CTXND1: variants seen among roughly 807,000 people sequenced by gnomAD.
CTXND1 encodes cortexin domain containing 1, also known as cortexin domain-containing 1 protein.
chr15:80,247,629 C>T (rs1243508755), intron 1 of CTXND1, among the ~76,000 whole-genome samples: 1 of 152,010 alleles, frequency 6.6e-6, no homozygotes, highest in East Asian at 1.9e-4. Flanking sequence ...TCCTCAGAAA[C>T]CAGAAAAACT....
chr15:80,207,973 G>A (rs1041967040), intron 1 of CTXND1, among the ~76,000 whole-genome samples: 1 of 152,164 alleles, frequency 6.6e-6, no homozygotes, highest in South Asian at 2.1e-4. Context: ...TCCAGCAACT[G>A]GTTTTTGATT....
rs1435450190 is a variant in CTXND1 at position 80,198,605 on chromosome 15, A to G, written c.*3165T>C. Reference sequence around the variant, plus strand: ...TGCAACAACTGAAGCCTGAGATTCCAGTTGCTTTTTTCTCCTTAATATGAT... The same window carrying G: ...TGCAACAACTGAAGCCTGAGATTCCGGTTGCTTTTTTCTCCTTAATATGAT... On this transcript the variant is annotated 3_prime_UTR_variant, in exon 3 of 3. Coordinates refer to ENST00000560778, the MANE Select transcript of CTXND1 (RefSeq NM_001352888.2). The G allele has an allele frequency of 5.3e-5, 8 of 152,208 alleles. No homozygotes were observed. Among genetic ancestry groups the G allele is most frequent in the Admixed American group, 4.6e-4 (7 of 15,284 alleles). 9.4% of individuals were successfully genotyped at this position (152,208 alleles called of 1,614,324 possible).
intron 1 of CTXND1, among the ~76,000 whole-genome samples, chr15:80,243,589 A>T (rs998301102): frequency 4.6e-5 from 7 of 152,194 alleles, no homozygotes; most frequent in African/African-American, 1.7e-4. Context: ...AAGAGAATCC[A>T]GATTATTTAC....
At chr15:80,238,916 G>C (rs370877627) in intron 1 of CTXND1, among the ~76,000 whole-genome samples, 2 of 152,210 alleles carry the variant, frequency 1.3e-5, no homozygotes, top group East Asian at 3.8e-4. Flanking sequence ...TGCCATCTAG[G>C]TCTGTGTAAG....
chr15:80,205,460 T>C (rs1301159237), intron 1 of CTXND1, among the ~76,000 whole-genome samples: 1 of 152,186 alleles, frequency 6.6e-6, no homozygotes, highest in African/African-American at 2.4e-5. Context: ...TTGGCAAAGG[T>C]TGTGAGGGAT....
At chr15:80,227,157 A>G (rs1001148246) in intron 1 of CTXND1, among the ~76,000 whole-genome samples, 1 of 152,164 alleles carries the variant, frequency 6.6e-6, no homozygotes, top group Non-Finnish European at 1.5e-5. Context: ...TTCAAATGCT[A>G]CAAAGAAAAG....
At chr15:80,205,102 C>G (rs1893134564) in intron 1 of CTXND1, among the ~76,000 whole-genome samples, 1 of 152,162 alleles carries the variant, frequency 6.6e-6, no homozygotes, top group South Asian at 2.1e-4. Context: ...AAATGCAAGC[C>G]TGTTATATAA....
At chr15:80,207,177 C>G (rs58254070) in intron 1 of CTXND1, among the ~76,000 whole-genome samples, 189 of 152,244 alleles carry the variant, frequency 1.2e-3, no homozygotes, top group African/African-American at 3.6e-3. Flanking sequence ...ATTCTGGGCT[C>G]TTTCCCTTTT....
rs1192402604 is a variant in CTXND1 at position 80,201,181 on chromosome 15, C to A, written c.*589G>T. On this transcript the variant is annotated 3_prime_UTR_variant, in exon 3 of 3. Transcript: ENST00000560778. ...TTTATTTATAACAGGAAAAATATAT[C>A]CCTCTATATTTTAGTTTAAAAAAAT... 1 of 152,084 alleles carries A rather than the reference C, an allele frequency of 6.6e-6. No homozygotes were observed. The highest frequency in any genetic ancestry group is 1.5e-5 in the Non-Finnish European group (1 of 68,012). 9.4% of individuals were successfully genotyped at this position (152,084 alleles called of 1,614,324 possible).
chr15:80,246,408 G>A (rs897705769), intron 1 of CTXND1, among the ~76,000 whole-genome samples: 3 of 152,234 alleles, frequency 2.0e-5, no homozygotes, highest in Admixed American at 2.0e-4. Flanking sequence ...TTATCCGTTT[G>A]TGATTTTTCC....
At chr15:80,222,885 A>G (rs1008751799) in intron 1 of CTXND1, among the ~76,000 whole-genome samples, 1 of 152,182 alleles carries the variant, frequency 6.6e-6, no homozygotes, top group Non-Finnish European at 1.5e-5. Flanking sequence ...TTATAAATAA[A>G]CAAATAAACA....
chr15:80,227,799 T>G (rs1478125372), intron 1 of CTXND1, among the ~76,000 whole-genome samples: 3 of 152,230 alleles, frequency 2.0e-5, no homozygotes, highest in Admixed American at 2.0e-4. Flanking sequence ...GGCTACTAAC[T>G]AATCAGGGTG....
At chr15:80,208,933 A>G (rs73485400) in intron 1 of CTXND1, among the ~76,000 whole-genome samples, 205 of 152,330 alleles carry the variant, frequency 1.3e-3, no homozygotes, top group African/African-American at 3.6e-3. Flanking sequence ...AGAAAGTTGA[A>G]TGTGCGAGGG....
intron 1 of CTXND1, among the ~76,000 whole-genome samples, chr15:80,243,677 G>A (rs1893595651): frequency 1.3e-5 from 2 of 152,192 alleles, no homozygotes; most frequent in Non-Finnish European, 2.9e-5. Flanking sequence ...AAGGGTAAAT[G>A]ATGCCTCCCA....
Position 80,199,157 on chromosome 15 carries a change from A to T in CTXND1, c.*2613T>A, listed in dbSNP as rs556036281. Reference sequence around the variant, plus strand: ...AAGAGATAAGGTGAAACCCATTAGCAAATCTGAGTGTGGAAAAGAATTAAT... The same window carrying T: ...AAGAGATAAGGTGAAACCCATTAGCTAATCTGAGTGTGGAAAAGAATTAAT... On this transcript the variant is annotated 3_prime_UTR_variant, in exon 3 of 3. Transcript: ENST00000560778. 7 of 152,226 alleles carry T rather than the reference A, an allele frequency of 4.6e-5. No individual in the cohort carries two copies. Among genetic ancestry groups the T allele is most frequent in the Non-Finnish European group, 8.8e-5 (6 of 68,040 alleles). 9.4% of individuals were successfully genotyped at this position (152,226 alleles called of 1,614,324 possible).
chr15:80,217,456 T>G (rs912708912), intron 1 of CTXND1, among the ~76,000 whole-genome samples: 1 of 152,128 alleles, frequency 6.6e-6, no homozygotes, highest in African/African-American at 2.4e-5. Context: ...TGTGTCAAGG[T>G]TGTGCTAATT....
intron 1 of CTXND1, among the ~76,000 whole-genome samples, chr15:80,222,841 AT>A (rs1295822369): frequency 6.6e-6 from 1 of 152,114 alleles, no homozygotes; most frequent in African/African-American, 2.4e-5. Context: ...TTTACAATGG[AT>A]TCACATATGA....
chr15:80,203,086 T>C (rs1454544836), intron 2 of CTXND1, among the ~76,000 whole-genome samples: 1 of 152,168 alleles, frequency 6.6e-6, no homozygotes, highest in African/African-American at 2.4e-5. Context: ...GTACATACTT[T>C]GAGTGAACTG....
intron 1 of CTXND1, among the ~76,000 whole-genome samples, chr15:80,225,092 G>A (rs1373198079): frequency 1.3e-5 from 2 of 152,170 alleles, no homozygotes; most frequent in African/African-American, 2.4e-5. Flanking sequence ...ATCCTTATAC[G>A]TGAAGTGTTG....
Sources: gnomAD v4.1 joint callset for allele counts (sites outside exome capture counted in the v4.1 genomes callset) on GRCh38, gnomAD v4.1.1 for gene constraint, MANE v1.5 for transcripts, NCBI Gene and HGNC (gene_info 2026-07-23, HGNC 2026-07-21) for gene names.